SCML4: variants seen among roughly 807,000 people sequenced by gnomAD.
The protein encoded by SCML4 is Scm polycomb group protein like 4.
In SCML4, 34 loss-of-function variants were observed where a neutral mutation model predicts 41.1. That is an observed-to-expected ratio of 0.83 (90% CI 0.63 to 1.10). The LOEUF (loss-of-function observed/expected upper bound fraction) is 1.10, where lower values mean the gene tolerates loss of function less well. SCML4 is among the 50% of genes least tolerant of loss of function. SCML4 has a pLI of 0.00. For missense variants in SCML4, 522 were observed against 534.1 expected, an observed-to-expected ratio of 0.98 and a Z score of 0.22; for synonymous variants, 214 against 220.9, an observed-to-expected ratio of 0.97 and a Z score of 0.28.
intron 1 of SCML4, among the ~76,000 whole-genome samples, chr6:107,816,548 G>A (rs995208467): frequency 2.0e-5 from 3 of 152,164 alleles, no homozygotes. Flanking sequence ...CTCAGAGGAG[G>A]AAGAAGCTAC....
At chr6:107,773,713 A>C (rs948065949) in intron 1 of SCML4, among the ~76,000 whole-genome samples, 19 of 152,156 alleles carry the variant, frequency 1.2e-4, no homozygotes, top group Admixed American at 6.5e-5. Flanking sequence ...CAGGGGTCAG[A>C]CTTCCTGGAA....
At chr6:107,711,812 A>C (rs145492268) in intron 6 of SCML4, among the ~76,000 whole-genome samples, 1 of 152,290 alleles carries the variant, frequency 6.6e-6, no homozygotes, top group Non-Finnish European at 1.5e-5. Context: ...CCTTCTTTAG[A>C]TCTCGGGGCA....
chr6:107,712,664 C>A (rs2114362190), intron 6 of SCML4, among the ~76,000 whole-genome samples: 1 of 152,250 alleles, frequency 6.6e-6, no homozygotes, highest in South Asian at 2.1e-4. Flanking sequence ...TCGGGAGCTG[C>A]TCCTGATCCA....
At chr6:107,712,396 C>T (rs1774310541) in intron 6 of SCML4, among the ~76,000 whole-genome samples, 1 of 152,132 alleles carries the variant, frequency 6.6e-6, no homozygotes, top group Non-Finnish European at 1.5e-5. Flanking sequence ...AACACTTTCC[C>T]TTCAACTACA....
At chr6:107,778,951 C>T (rs1051733347) in intron 1 of SCML4, among the ~76,000 whole-genome samples, 11 of 152,078 alleles carry the variant, frequency 7.2e-5, no homozygotes, top group Admixed American at 1.3e-4. Context: ...GAGGCCGAGG[C>T]GGGCGGATCA....
chr6:107,740,330 C>T (rs948260384), intron 5 of SCML4, among the ~76,000 whole-genome samples: 2 of 152,132 alleles, frequency 1.3e-5, no homozygotes, highest in East Asian at 1.9e-4. Context: ...ATCCTGCAAA[C>T]GAGGTTGTAG....
At chr6:107,838,486 G>A in the SCML4 span, among the ~76,000 whole-genome samples, 31 of 152,164 alleles carry the variant, frequency 2.0e-4, no homozygotes, top group African/African-American at 3.6e-4. Context: ...CATTGTCCCC[G>A]AAGGCTTGAT....
chr6:107,794,944 A>T (rs539821910), intron 1 of SCML4, among the ~76,000 whole-genome samples: 2 of 152,182 alleles, frequency 1.3e-5, no homozygotes, highest in South Asian at 4.2e-4. Flanking sequence ...TTCTCTCTCT[A>T]TGTGTCTCTG....
At chr6:107,714,902 G>A (rs1774601922) in intron 6 of SCML4, among the ~76,000 whole-genome samples, 1 of 150,330 alleles carries the variant, frequency 6.7e-6, no homozygotes, top group South Asian at 2.1e-4. Flanking sequence ...TTACTACAGA[G>A]CAAAGCCCCA....
At chr6:107,825,950 A>G (rs548887867), upstream of SCML4, among the ~76,000 whole-genome samples, 2 of 149,892 alleles carry the variant, frequency 1.3e-5, no homozygotes, top group Non-Finnish European at 3.0e-5. Context: ...AAAAAAAAAA[A>G]AAAAAAGAAA....
intron 2 of SCML4, among the ~76,000 whole-genome samples, chr6:107,757,247 G>A (rs1423279214): frequency 6.6e-6 from 1 of 152,160 alleles, no homozygotes; most frequent in Non-Finnish European, 1.5e-5. Flanking sequence ...AACATCACTG[G>A]AAAGAATTGG....
chr6:107,805,295 A>C (rs1008059007), intron 1 of SCML4, among the ~76,000 whole-genome samples: 2 of 152,202 alleles, frequency 1.3e-5, no homozygotes, highest in African/African-American at 2.4e-5. Flanking sequence ...CATCAGCTCC[A>C]TGAAGGCTAG....
chr6:107,820,502 G>A (rs6924554), intron 1 of SCML4, among the ~76,000 whole-genome samples: 102,915 of 152,094 alleles, frequency 0.68, 34,948 homozygotes, highest in East Asian at 0.81. Context: ...GCAGATCAGA[G>A]GAAGCTAAAT....
chr6:107,806,900 A>G (rs1241705795), intron 1 of SCML4, among the ~76,000 whole-genome samples: 2 of 152,118 alleles, frequency 1.3e-5, no homozygotes, highest in African/African-American at 2.4e-5. Context: ...GCCCCACCCC[A>G]TGAGAATGAA....
chr6:107,802,687 TCCCCCTCCTCTC>T (rs1181558606), intron 1 of SCML4, among the ~76,000 whole-genome samples: 3 of 484 alleles, frequency 6.2e-3, no homozygotes, highest in African/African-American at 0.012. Context: ...TCCCTCTCCC[TCCCCCTCCTCTC>T]CCTCTCCCTC....
chr6:107,726,271 C>T (rs1033820892), intron 5 of SCML4, among the ~76,000 whole-genome samples: 24 of 151,064 alleles, frequency 1.6e-4, no homozygotes, highest in African/African-American at 5.6e-4. Context: ...CGGTGGCTCA[C>T]GCCTGTAATC....
rs145056480 is a variant in SCML4, at chr6:107,720,676, G to A, written c.973+27C>T. 60 of 1,511,414 alleles carry A rather than the reference G, an allele frequency of 4.0e-5. No homozygotes were observed. In the African/African-American group the frequency reaches 7.4e-4, roughly 19 times the overall value. 93.6% of individuals were successfully genotyped at this position (1,511,414 alleles called of 1,614,324 possible). A position where few individuals can be genotyped will look rare whatever the true frequency, so the allele number is the denominator to read the frequency against. ...CAAGGGCAAGGGATGTTAAGTCAGT[G>A]GGAAGCTGATGCATGCATTACATTA... On this transcript the variant is annotated intron_variant, in intron 6 of 7. Transcript: ENST00000369020.
At chr6:107,826,791 C>T (rs936583423), upstream of SCML4, among the ~76,000 whole-genome samples, 5 of 152,148 alleles carry the variant, frequency 3.3e-5, no homozygotes, top group African/African-American at 4.8e-5. Context: ...TGCTTGGGCG[C>T]GGTGGCTCAC....
chr6:107,759,480 G>A (rs1779403654), intron 2 of SCML4, among the ~76,000 whole-genome samples: 2 of 152,148 alleles, frequency 1.3e-5, no homozygotes, highest in Admixed American at 6.5e-5. Flanking sequence ...AAACTAGGGT[G>A]GAAGTAGGGA....
Sources: allele counts gnomAD v4.1 joint callset (sites outside exome capture counted in the v4.1 genomes callset), GRCh38; gene constraint gnomAD v4.1.1; transcripts MANE v1.5; gene names NCBI Gene and HGNC (gene_info 2026-07-23, HGNC 2026-07-21).